XKR7: variants seen among roughly 807,000 people sequenced by gnomAD.
The protein encoded by XKR7 is XK related 7.
A neutral mutation model predicts 42.2 loss-of-function variants in XKR7; 11 were observed. The ratio of observed to expected loss-of-function variants is 0.26; its 90% CI spans 0.16 to 0.43. XKR7 has a LOEUF of 0.43. Among genes scored for constraint, XKR7 ranks in the 20% least tolerant of loss-of-function variants. The pLI is 1.00. For missense variants in XKR7, 710 were observed against 802.2 expected (o/e 0.89, Z 1.39); for synonymous variants, 346 against 366.4 (o/e 0.94, Z 0.64).
At chr20:31,981,531 A>T (rs1843423025) in intron 1 of XKR7, among the ~76,000 whole-genome samples, 1 of 152,174 alleles carries the variant, frequency 6.6e-6, no homozygotes, top group Admixed American at 6.5e-5. Flanking sequence ...GTCTCTACTA[A>T]AAATACAAAA....
At chr20:31,969,524 T>C (rs2064454399) in intron 1 of XKR7, among the ~76,000 whole-genome samples, 2 of 152,216 alleles carry the variant, frequency 1.3e-5, no homozygotes, top group Admixed American at 1.3e-4. Context: ...TGAGGGTGCC[T>C]GCTGCACTGA....
rs1434415866 is a variant in XKR7 at position 31,968,526 on chromosome 20, G to A, written c.351G>A (p.Ser117=). ...TCCGCTGGTTCGTCTACGACTACTC[G>A]GAGCCCGCAGGGTCCCCGGGACCCG... ...LSFRWFVYDY[S]EPAGSPGPAV... is the part of the protein sequence containing the mutation. The change falls in exon 1 of 3, where the codon TCG becomes TCA. Residue 117 remains serine (S), a synonymous_variant. Transcript: ENST00000562532. The surrounding 1 kb of genome is among the most constrained non-coding windows in gnomAD (Gnocchi z 4.5). 4 of 1,609,106 alleles carry A rather than the reference G, an allele frequency of 2.5e-6. No homozygotes were observed. Among genetic ancestry groups the A allele is most frequent in the Non-Finnish European group, 3.4e-6 (4 of 1,177,920 alleles).
At chr20:31,993,952 T>C (rs1299020010) in intron 1 of XKR7, among the ~76,000 whole-genome samples, 1 of 152,204 alleles carries the variant, frequency 6.6e-6, no homozygotes, top group African/African-American at 2.4e-5. Context: ...AAACAATAGG[T>C]ACAATTCCTC....
rs2064605561 is a variant in XKR7, at chr20:31,998,093, C to CGGGG, written c.*636_*637insGGGG. ...TAGGAGAAAGAACTGGGGGGGGGGTCTAGGCTGGCAGAAGCATGGAGGGGT... is the reference window on the plus strand; with the variant it reads ...TAGGAGAAAGAACTGGGGGGGGGGTCGGGGTAGGCTGGCAGAAGCATGGAGGGGT... On this transcript the variant is annotated 3_prime_UTR_variant, in exon 3 of 3. Coordinates refer to ENST00000562532, the MANE Select transcript of XKR7 (RefSeq NM_001011718.2). 1 of 81,836 alleles carries CGGGG rather than the reference C, an allele frequency of 1.2e-5. No homozygotes were observed. The highest frequency in any genetic ancestry group is 5.3e-5 in the African/African-American group (1 of 18,822). 5.1% of individuals were successfully genotyped at this position (81,836 alleles called of 1,614,324 possible). A position where few individuals can be genotyped will look rare whatever the true frequency, so the allele number is the denominator to read the frequency against.
chr20:31,989,275 A>AC (rs375655653), intron 1 of XKR7, among the ~76,000 whole-genome samples: 12,666 of 111,708 alleles, frequency 0.11, 626 homozygotes, highest in Middle Eastern at 0.23. Context: ...GTTTTAGGAC[A>AC]CCCCCCCCCC....
Position 31,999,802 on chromosome 20 carries a change from G to C in XKR7, c.*2345G>C, listed in dbSNP as rs1343895235. ...ACTGAGGCCCAGAGATGTAGCATGA[G>C]GGTCACCCTTGGCAAGTTATTCTCC... On this transcript the variant is annotated 3_prime_UTR_variant, in exon 3 of 3. Coordinates refer to ENST00000562532, the MANE Select transcript of XKR7 (RefSeq NM_001011718.2). 6.6e-6 allele frequency: 1 copy of C among 152,216 alleles called. No homozygotes were observed. Among genetic ancestry groups the C allele is most frequent in the Non-Finnish European group, 1.5e-5 (1 of 68,068 alleles). 9.4% of individuals were successfully genotyped at this position (152,216 alleles called of 1,614,324 possible). A position where few individuals can be genotyped will look rare whatever the true frequency, so the allele number is the denominator to read the frequency against.
intron 1 of XKR7, among the ~76,000 whole-genome samples, chr20:31,990,604 C>A (rs548288298): frequency 6.6e-6 from 1 of 152,228 alleles, no homozygotes; most frequent in African/African-American, 2.4e-5. Context: ...GTGGGCACCA[C>A]ATCTATCAAG....
In XKR7 at chr20:32,000,144, G is replaced by A. The variant is rs1303140300; in HGVS notation, c.*2687G>A. 1 of 151,378 alleles carries A rather than the reference G, an allele frequency of 6.6e-6. No homozygotes were observed. The highest frequency in any genetic ancestry group is 1.5e-5 in the Non-Finnish European group (1 of 68,208). The allele number at this position is 151,378 out of a possible 1,614,324, so 9.4% of individuals were successfully genotyped here. ...CCTCCTGCTTCTCACCCTCAGAAGAGTCTCAGCCCTTAAAGGACTCTCCAC... is the reference window on the plus strand; with the variant it reads ...CCTCCTGCTTCTCACCCTCAGAAGAATCTCAGCCCTTAAAGGACTCTCCAC... On this transcript the variant is annotated 3_prime_UTR_variant, in exon 3 of 3. Coordinates refer to ENST00000562532, the MANE Select transcript of XKR7 (RefSeq NM_001011718.2).
At position 31,997,276 on chromosome 20, in the gene XKR7, G is replaced by A. The variant is rs778447691; in HGVS notation, c.1559G>A (p.Gly520Glu). 9 of 1,612,310 alleles carry A rather than the reference G, an allele frequency of 5.6e-6. No homozygotes were observed. The highest frequency in any genetic ancestry group is 7.6e-6 in the Non-Finnish European group (9 of 1,180,016). Residue 520 changes from glycine to glutamate, a missense_variant, in exon 3 of 3, where the codon GGG becomes GAG. Gly to Glu is a moderately conservative substitution (Grantham distance 98). Around this residue, in one of 2 missense-constraint regions of XKR7, gnomAD observed 708 missense variants for 786.2 expected, o/e 0.90. Coordinates refer to ENST00000562532, the MANE Select transcript of XKR7 (RefSeq NM_001011718.2). ...GTGGCCCGCACCTTGCGGACAGAGG[G>A]GCCTGTCATCCGGATTGACTTGCCT... ...TPVARTLRTE[G>E]PVIRIDLPRK...
rs75048468 is a variant in XKR7, at chr20:31,981,316, C to T, written c.584+12557C>T. Among the ~76,000 whole-genome samples the T allele has an allele frequency of 7.6e-3, 1,157 of 152,096 alleles. 20 individuals carry two copies. The highest frequency in any genetic ancestry group is 0.026 in the African/African-American group (1,095 of 41,460). On this transcript the variant is annotated intron_variant, in intron 1 of 2. Coordinates refer to ENST00000562532, the MANE Select transcript of XKR7 (RefSeq NM_001011718.2). ...ACTTGAACCCAGAGGGCAGGGGTTG[C>T]GGCGAGCTGAGATGGCGCCACTGCA... is the stretch of plus-strand genomic sequence containing the variant.
intron 1 of XKR7, among the ~76,000 whole-genome samples, chr20:31,976,386 T>A (rs958163202): frequency 9.9e-5 from 15 of 152,020 alleles, no homozygotes; most frequent in African/African-American, 2.4e-5. Flanking sequence ...GTATTTTTAT[T>A]TTTTTTTATT....
At chr20:31,973,817 G>A (rs370878062) in intron 1 of XKR7, among the ~76,000 whole-genome samples, 1 of 152,178 alleles carries the variant, frequency 6.6e-6, no homozygotes, top group East Asian at 1.9e-4. Flanking sequence ...TTCATGACAC[G>A]GGGAGCCCAG....
Position 31,974,528 on chromosome 20 carries a change from T to C in XKR7, c.584+5769T>C, listed in dbSNP as rs561029139. On this transcript the variant is annotated intron_variant, in intron 1 of 2. Transcript: ENST00000562532. The stretch of plus-strand genomic sequence containing the variant: ...ATCTGCTAAATGGACACTCTAATAA[T>C]AGCACCTATCGCATGGTGCTTGAGG... Among the ~76,000 whole-genome samples, 22 of 152,324 alleles carry C rather than the reference T, an allele frequency of 1.4e-4. No homozygotes were observed. In the East Asian group the frequency reaches 4.1e-3, roughly 28 times the overall value.
intron 1 of XKR7, among the ~76,000 whole-genome samples, chr20:31,969,366 G>A (rs1369468818): frequency 1.3e-5 from 2 of 152,186 alleles, no homozygotes; most frequent in Admixed American, 1.3e-4. Context: ...CCAGCTAAGG[G>A]TCCTCCCCTT....
chr20:31,985,049 A>G (rs1317198665), intron 1 of XKR7, among the ~76,000 whole-genome samples: 1 of 152,246 alleles, frequency 6.6e-6, no homozygotes, highest in African/African-American at 2.4e-5. Context: ...GCTGGGACTC[A>G]GTAAGTGTGA....
Position 31,999,391 on chromosome 20 carries a change from C to T in XKR7, c.*1934C>T, listed in dbSNP as rs1166692280. 4 of 152,272 alleles carry T rather than the reference C, an allele frequency of 2.6e-5. No individual in the cohort carries two copies. Among genetic ancestry groups the T allele is most frequent in the Admixed American group, 6.5e-5 (1 of 15,286 alleles). 9.4% of individuals were successfully genotyped at this position (152,272 alleles called of 1,614,324 possible). On this transcript the variant is annotated 3_prime_UTR_variant, in exon 3 of 3. Transcript: ENST00000562532. ...AAGCACAACCATGATACGGGTCACC[C>T]TCCCCACCAGCACACAGGCCGAGAT...
chr20:31,984,251 G>A (rs1190644884), intron 1 of XKR7, among the ~76,000 whole-genome samples: 2 of 133,848 alleles, frequency 1.5e-5, no homozygotes, highest in Non-Finnish European at 3.1e-5. Flanking sequence ...ACAAGAGTGA[G>A]ACTCCATTTC....
At chr20:31,993,790 G>A (rs1322426498) in intron 1 of XKR7, among the ~76,000 whole-genome samples, 1 of 152,194 alleles carries the variant, frequency 6.6e-6, no homozygotes, top group African/African-American at 2.4e-5. Flanking sequence ...CGGAAGCCTG[G>A]GAGAGGCCCT....
intron 1 of XKR7, among the ~76,000 whole-genome samples, chr20:31,986,122 C>T (rs1208033491): frequency 7.1e-6 from 1 of 139,984 alleles, no homozygotes; most frequent in Non-Finnish European, 1.5e-5. Context: ...CCAAACAGAT[C>T]CAGCATCCAA....
Sources: allele counts gnomAD v4.1 joint callset (sites outside exome capture counted in the v4.1 genomes callset), GRCh38; gene constraint gnomAD v4.1.1; regional missense constraint gnomAD v4.1.1; non-coding constraint Gnocchi (gnomAD v3.1); transcripts MANE v1.5; gene names NCBI Gene and HGNC (gene_info 2026-07-23, HGNC 2026-07-21).